The following SGCD variants were observed in gnomAD, a reference collection of about 807,000 sequenced individuals.
The protein encoded by SGCD is sarcoglycan delta.
SGCD carries 18 observed loss-of-function variants against 36.6 expected under a neutral mutation model. The ratio of observed to expected loss-of-function variants is 0.49; its 90% CI spans 0.34 to 0.73. The LOEUF is 0.73. SGCD is among the 30% of genes least tolerant of loss of function. SGCD has a pLI of 0.01. For synonymous variants in SGCD, 133 were observed against 130.6 expected (o/e 1.02, Z -0.12); for missense variants, 387 against 346.7 (o/e 1.12, Z -0.92).
chr5:155,802,732 A>G, the SGCD span, among the ~76,000 whole-genome samples: 1 of 152,216 alleles, frequency 6.6e-6, no homozygotes, highest in Non-Finnish European at 1.5e-5. Context: ...TTAGCAATGA[A>G]TTGCATTGGA....
intron 4 of SGCD, among the ~76,000 whole-genome samples, chr5:156,567,368 G>GGATAGATAAATA (rs1382160645): frequency 1.5e-5 from 2 of 133,498 alleles, no homozygotes; most frequent in South Asian, 5.2e-4. Context: ...AGGGAGGGAT[G>GGATAGATAAATA]GATAGATAAA....
chr5:155,893,775 G>A (rs367699811), intron 1 of SGCD, among the ~76,000 whole-genome samples: 13 of 152,218 alleles, frequency 8.5e-5, no homozygotes, highest in African/African-American at 3.1e-4. Flanking sequence ...TGTGCTCTTA[G>A]ATAATTTCGT....
rs144300805 is a variant in SGCD, at chr5:156,728,905, C to A, written c.576-28676C>A. Among the ~76,000 whole-genome samples the A allele has an allele frequency of 3.2e-3, 485 of 152,156 alleles. 3 individuals carry two copies. The highest frequency in any genetic ancestry group is 0.011 in the African/African-American group (467 of 41,506). On this transcript the variant is annotated intron_variant, in intron 7 of 8. Transcript: ENST00000337851. ...TATTGCAATGAAGTTGAGGATTAAT[C>A]GTTAAATGTGATAATAATCCTCTAT...
In SGCD at chr5:156,613,300, T is replaced by C. The variant is rs77149812; in HGVS notation, c.502+18249T>C. 6.8e-3 allele frequency among the ~76,000 whole-genome samples: 1,034 copies of C among 152,372 alleles called. 11 individuals carry two copies. The highest frequency in any genetic ancestry group is 8.9e-3 in the Non-Finnish European group (606 of 68,036). Reference sequence around the variant, plus strand: ...AAGGACTCATCAAATCCTGAAATTGTACACAGCCCTTGTGTGTTCACAAAA... The same window carrying C: ...AAGGACTCATCAAATCCTGAAATTGCACACAGCCCTTGTGTGTTCACAAAA... On this transcript the variant is annotated intron_variant, in intron 6 of 8. Coordinates refer to ENST00000337851, the MANE Select transcript of SGCD (RefSeq NM_000337.6).
rs1009589824 is a variant in SGCD, at chr5:156,153,036, A to G, written c.-44+29017A>G. Among the ~76,000 whole-genome samples, 6 of 151,658 alleles carry G rather than the reference A, an allele frequency of 4.0e-5. 1 individual carries two copies. Among genetic ancestry groups the G allele is most frequent in the African/African-American group, 1.5e-4 (6 of 40,956 alleles). ...ATTTTTCAAAGACTTTAAATGACGTAAGCTCATGTCAACATGTATTTATGT... is the reference window on the plus strand; with the variant it reads ...ATTTTTCAAAGACTTTAAATGACGTGAGCTCATGTCAACATGTATTTATGT... On this transcript the variant is annotated intron_variant, in intron 3 of 9. Transcript: ENST00000517913.
chr5:155,792,055 CAGATCCA>C, the SGCD span, among the ~76,000 whole-genome samples: 2 of 151,918 alleles, frequency 1.3e-5, no homozygotes, highest in South Asian at 4.2e-4. Context: ...GGTACAAAAC[CAGATCCA>C]TAAACCAATG....
intron 1 of SGCD, among the ~76,000 whole-genome samples, chr5:156,023,209 G>A (rs918816940): frequency 6.6e-6 from 1 of 152,212 alleles, no homozygotes; most frequent in Non-Finnish European, 1.5e-5. Flanking sequence ...CCAACAGGGT[G>A]CCTGGCACAT....
chr5:155,729,187 T>C, the SGCD span, among the ~76,000 whole-genome samples: 1 of 152,202 alleles, frequency 6.6e-6, no homozygotes, highest in East Asian at 1.9e-4. Context: ...GGAGTCCCCT[T>C]CCGCTTCCTA....
chr5:156,519,478 A>T (rs1045993286), intron 4 of SGCD, among the ~76,000 whole-genome samples: 1 of 152,204 alleles, frequency 6.6e-6, no homozygotes, highest in African/African-American at 2.4e-5. Flanking sequence ...AAACTATTCC[A>T]AACAATTGAA....
the SGCD span, among the ~76,000 whole-genome samples, chr5:155,794,137 G>A: frequency 2.6e-5 from 4 of 152,074 alleles, no homozygotes; most frequent in Non-Finnish European, 5.9e-5. Flanking sequence ...TACACCTTAC[G>A]GAGGTGAACT....
chr5:156,467,086 G>T (rs550677606), intron 3 of SGCD, among the ~76,000 whole-genome samples: 1 of 152,198 alleles, frequency 6.6e-6, no homozygotes, highest in South Asian at 2.1e-4. Flanking sequence ...TTAATGTAGT[G>T]TGAAAGCATC....
intron 4 of SGCD, among the ~76,000 whole-genome samples, chr5:156,509,713 C>G (rs1756851979): frequency 6.6e-6 from 1 of 152,218 alleles, no homozygotes; most frequent in African/African-American, 2.4e-5. Flanking sequence ...CTTTTCCTTT[C>G]ATTCCTTCTT....
At chr5:156,159,417 G>A (rs541208277) in intron 3 of SGCD, among the ~76,000 whole-genome samples, 6 of 151,180 alleles carry the variant, frequency 4.0e-5, no homozygotes, top group African/African-American at 1.2e-4. Flanking sequence ...AAAAAATCTA[G>A]CATCTGGAAA....
chr5:155,872,277 A>G (rs1755669568), intron 1 of SGCD, among the ~76,000 whole-genome samples: 2 of 152,098 alleles, frequency 1.3e-5, no homozygotes, highest in South Asian at 4.1e-4. Context: ...GATTAAATAA[A>G]ATAATATGTG....
chr5:156,301,200 A>G (rs936687314), intron 3 of SGCD, among the ~76,000 whole-genome samples: 4 of 151,946 alleles, frequency 2.6e-5, no homozygotes, highest in African/African-American at 9.7e-5. Context: ...CTTTTAGTGA[A>G]GAAGATTTTC....
intron 1 of SGCD, among the ~76,000 whole-genome samples, chr5:155,884,395 G>A (rs1755960278): frequency 6.6e-6 from 1 of 152,156 alleles, no homozygotes; most frequent in Admixed American, 6.5e-5. Flanking sequence ...ATGCCTGGGA[G>A]CCTTCCCATT....
chr5:156,626,071 C>T (rs538724895), intron 6 of SGCD, among the ~76,000 whole-genome samples: 17 of 152,150 alleles, frequency 1.1e-4, no homozygotes, highest in South Asian at 4.2e-4. Flanking sequence ...TGACATCTAA[C>T]GGATGGAGGA....
At chr5:156,389,903 T>TACAC (rs34268804) in intron 3 of SGCD, among the ~76,000 whole-genome samples, 25,099 of 150,728 alleles carry the variant, frequency 0.17, 2,147 homozygotes, top group Middle Eastern at 0.27. Flanking sequence ...TATATTATGT[T>TACAC]ACACACACAC....
Position 156,161,804 on chromosome 5 carries a change from G to A in SGCD, c.-44+37785G>A, listed in dbSNP as rs1305862953. On this transcript the variant is annotated intron_variant, in intron 3 of 9. Coordinates refer to the SGCD transcript ENST00000517913. ...CATAATTATATGTTTAAATTAAGAA[G>A]CGTGAACTTCTTAATGTTTCTGAAT... 1.6e-4 allele frequency among the ~76,000 whole-genome samples: 25 copies of A among 151,766 alleles called. 1 individual carries two copies. The highest frequency in any genetic ancestry group is 5.6e-4 in the African/African-American group (23 of 41,076).
Sources: allele counts gnomAD v4.1 joint callset (sites outside exome capture counted in the v4.1 genomes callset), GRCh38; gene constraint gnomAD v4.1.1; transcripts MANE v1.5; gene names NCBI Gene and HGNC (gene_info 2026-07-23, HGNC 2026-07-21).